The following IPO11 variants were observed in gnomAD, a reference collection of about 807,000 sequenced individuals.
IPO11 encodes importin 11.
In IPO11, 66 loss-of-function variants were observed where a neutral mutation model predicts 143.2. That is an observed-to-expected ratio of 0.46 (90% CI 0.38 to 0.57). The LOEUF is 0.57. IPO11 is among the 20% of genes least tolerant of loss of function. The pLI, the probability that IPO11 is intolerant of heterozygous loss-of-function variation, is 0.00. For missense variants in IPO11, 1,026 were observed against 1,141.0 expected, an observed-to-expected ratio of 0.90 and a Z score of 1.45; for synonymous variants, 385 against 377.8, an observed-to-expected ratio of 1.02 and a Z score of -0.22.
At chr5:62,521,988 C>T (rs953323347) in intron 20 of IPO11, among the ~76,000 whole-genome samples, 1 of 152,138 alleles carries the variant, frequency 6.6e-6, no homozygotes, top group South Asian at 2.1e-4. Context: ...TCTGCCTGGT[C>T]TCTGTTTCTT....
intron 29 of IPO11, among the ~76,000 whole-genome samples, chr5:62,626,723 G>T (rs139639871): frequency 1.4e-3 from 213 of 151,734 alleles, no homozygotes; most frequent in Middle Eastern, 3.4e-3. Context: ...TGCAATCCAG[G>T]GTAGGGCAAA....
At chr5:62,413,022 T>G (rs1743171655) in intron 1 of IPO11, 93 bp downstream of exon 1, 1 of 148,080 alleles carries the variant, frequency 6.8e-6, no homozygotes, top group Non-Finnish European at 1.5e-5. Flanking sequence ...AAAGTGGGGC[T>G]ACCAGGAGAT....
At chr5:62,588,212 ACTCT>A (rs1028935693) in intron 27 of IPO11, among the ~76,000 whole-genome samples, 1 of 144,526 alleles carries the variant, frequency 6.9e-6, no homozygotes, top group Non-Finnish European at 1.5e-5. Context: ...CAGTTTTCTT[ACTCT>A]CTACCACTAA....
rs1296439111 is a variant in IPO11, at chr5:62,550,373, G to A, written c.2257G>A (p.Glu753Lys). The change falls in exon 25 of 30, where the codon GAA (glutamate) becomes AAA (lysine). Residue 753 changes from glutamate (E) to lysine (K), a missense_variant. By Grantham distance (56) the Glu-to-Lys change is moderately conservative. This residue lies in a region of IPO11 where 351 missense variants were observed against 358.9 expected (regional missense o/e 0.98). Coordinates refer to ENST00000325324, the MANE Select transcript of IPO11 (RefSeq NM_016338.5). ...CTTTCTTTCTGGTTTTTAGGTTGTG[G>A]AAAATGCCCTTAAAGTGAACCCAAT... Reference protein sequence around the residue: ...EGQVQVLKVVENALKVNPILG... With the variant: ...EGQVQVLKVVKNALKVNPILG... 1 of 1,610,470 alleles carries A rather than the reference G, an allele frequency of 6.2e-7. No individual in the cohort carries two copies. The highest frequency in any genetic ancestry group is 1.7e-5 in the Admixed American group (1 of 59,802).
At chr5:62,471,947 C>T (rs541054214) in intron 7 of IPO11, among the ~76,000 whole-genome samples, 1 of 152,270 alleles carries the variant, frequency 6.6e-6, no homozygotes, top group South Asian at 2.1e-4. Context: ...ATATGCCCCT[C>T]CACAGTATTG....
chr5:62,585,869 G>A (rs989752806), intron 27 of IPO11, among the ~76,000 whole-genome samples: 1 of 152,178 alleles, frequency 6.6e-6, no homozygotes, highest in Non-Finnish European at 1.5e-5. Context: ...GTAAATGGAA[G>A]GGTAAATGAG....
chr5:62,446,299 T>G (rs912384171), intron 3 of IPO11, among the ~76,000 whole-genome samples: 2 of 152,206 alleles, frequency 1.3e-5, no homozygotes, highest in African/African-American at 4.8e-5. Context: ...CTCCAGAAAC[T>G]TTTACACACA....
At chr5:62,474,594 T>A in intron 8 of IPO11, 130 bp downstream of exon 8, 1 of 677,202 alleles carries the variant, frequency 1.5e-6, no homozygotes, top group Non-Finnish European at 2.5e-6. Context: ...GTTGCACACT[T>A]ATAAATCTAG....
Position 62,561,244 on chromosome 5 carries a change from C to A in IPO11, c.2569C>A (p.Pro857Thr), listed in dbSNP as rs1239246280. 1 of 1,565,066 alleles carries A rather than the reference C, an allele frequency of 6.4e-7. No individual in the cohort carries two copies. Among genetic ancestry groups the A allele is most frequent in the East Asian group, 2.3e-5 (1 of 43,392 alleles). ...AGCTTTGGCTTTGCTCTCTCTTCTGCCATCTGATAATAGGTGAGGAAATGT... is the reference window on the plus strand; with the variant it reads ...AGCTTTGGCTTTGCTCTCTCTTCTGACATCTGATAATAGGTGAGGAAATGT... ...LSALALLSLL[P>T]SDNSVIQDKF... Residue 857 changes from proline to threonine, a missense_variant, in exon 27 of 30, where the codon CCA becomes ACA. Physicochemically the swap from Pro to Thr is conservative, Grantham distance 38. Around this residue, in one of 5 missense-constraint regions of IPO11, gnomAD observed 351 missense variants for 358.9 expected, o/e 0.98. Transcript: ENST00000325324.
chr5:62,494,579 G>A (rs1288883142), intron 16 of IPO11, among the ~76,000 whole-genome samples: 1 of 151,690 alleles, frequency 6.6e-6, no homozygotes, highest in Non-Finnish European at 1.5e-5. Context: ...TATTATTGTT[G>A]ATTTTGTTAC....
At chr5:62,492,321 C>G (rs1016191425) in intron 15 of IPO11, among the ~76,000 whole-genome samples, 3 of 152,194 alleles carry the variant, frequency 2.0e-5, no homozygotes, top group Admixed American at 6.5e-5. Flanking sequence ...GCCTCTGTCA[C>G]TTGGTTCAAA....
intron 21 of IPO11, among the ~76,000 whole-genome samples, chr5:62,527,606 A>G (rs919722399): frequency 2.0e-5 from 3 of 152,206 alleles, no homozygotes; most frequent in African/African-American, 7.2e-5. Context: ...CAGAATTATC[A>G]GTATTACTGA....
At chr5:62,424,555 A>G (rs1380526933) in intron 1 of IPO11, among the ~76,000 whole-genome samples, 1 of 149,398 alleles carries the variant, frequency 6.7e-6, no homozygotes, top group African/African-American at 2.5e-5. Flanking sequence ...AGCTGGGACC[A>G]TAGGTGCATG....
intron 19 of IPO11, among the ~76,000 whole-genome samples, chr5:62,514,872 CTT>C (rs1182088046): frequency 1.3e-5 from 2 of 151,976 alleles, no homozygotes; most frequent in Non-Finnish European, 2.9e-5. Context: ...TTTTTTTTCT[CTT>C]GTGTTTCCAC....
At chr5:62,547,277 A>G (rs1743236482) in intron 24 of IPO11, among the ~76,000 whole-genome samples, 1 of 152,180 alleles carries the variant, frequency 6.6e-6, no homozygotes, top group African/African-American at 2.4e-5. Context: ...AAATAAGGTT[A>G]TAGGACCTGG....
chr5:62,595,928 A>C (rs16890854), intron 28 of IPO11, among the ~76,000 whole-genome samples: 5,192 of 151,796 alleles, frequency 0.034, 132 homozygotes, highest in South Asian at 0.072. Flanking sequence ...AATGAAATTG[A>C]CAATCCCTTA....
intron 14 of IPO11, 57 bp downstream of exon 14, chr5:62,489,406 G>A: frequency 8.0e-7 from 1 of 1,252,564 alleles, no homozygotes; most frequent in East Asian, 2.6e-5. Context: ...TGGAGAGTCT[G>A]TTTTGTGGTA....
chr5:62,489,358 A>G lies in IPO11; in HGVS notation c.1357+9A>G. 1 of 1,546,088 alleles carries G rather than the reference A, an allele frequency of 6.5e-7. No homozygotes were observed. Among genetic ancestry groups the G allele is most frequent in the Non-Finnish European group, 8.8e-7 (1 of 1,138,034 alleles). Reference sequence around the variant, plus strand: ...GTTAATCAAAGATGCTGGTATGTTAAACTTAAGTGATTTAGAAGCATTTAT... The same window carrying G: ...GTTAATCAAAGATGCTGGTATGTTAGACTTAAGTGATTTAGAAGCATTTAT... On this transcript the variant is annotated intron_variant, in intron 14 of 29. Coordinates refer to ENST00000325324, the MANE Select transcript of IPO11 (RefSeq NM_016338.5).
intron 27 of IPO11, among the ~76,000 whole-genome samples, chr5:62,586,769 ATATATATATAT>A (rs1398725608): frequency 1.3e-3 from 62 of 47,760 alleles, no homozygotes; most frequent in African/African-American, 5.9e-3. Context: ...AAAAAAAAAA[ATATATATATAT>A]ATATATATAT....
Sources: allele counts gnomAD v4.1 joint callset (sites outside exome capture counted in the v4.1 genomes callset), GRCh38; gene constraint gnomAD v4.1.1; regional missense constraint gnomAD v4.1.1; transcripts MANE v1.5; gene names NCBI Gene and HGNC (gene_info 2026-07-23, HGNC 2026-07-21).